Variants in HMCN1 observed in about 807,000 individuals in gnomAD.
HMCN1 encodes hemicentin 1, also known as hemicentin-1.
HMCN1 carries 321 observed loss-of-function variants against 625.9 expected under a neutral mutation model. That is an observed-to-expected ratio of 0.51 (90% CI 0.47 to 0.56). The LOEUF (loss-of-function observed/expected upper bound fraction) is 0.56. Ranked by LOEUF, HMCN1 falls within the 20% of genes least tolerant of loss-of-function variation. HMCN1 has a pLI of 0.00. For missense variants in HMCN1, 6,588 were observed against 6,887.3 expected, an observed-to-expected ratio of 0.96 and a Z score of 1.54; for synonymous variants, 2,425 against 2,417.6, an observed-to-expected ratio of 1.00 and a Z score of -0.09.
chr1:185,780,754 ATTTTATTGAGGAT>A (rs1657022663), intron 1 of HMCN1, among the ~76,000 whole-genome samples: 1 of 152,164 alleles, frequency 6.6e-6, no homozygotes. Context: ...GTTTGCCAGT[ATTTTATTGAGGAT>A]TTTTGCATCG....
At chr1:185,779,701 C>T (rs1028119289) in intron 1 of HMCN1, among the ~76,000 whole-genome samples, 10 of 152,044 alleles carry the variant, frequency 6.6e-5, no homozygotes, top group African/African-American at 1.7e-4. Context: ...GTTCCATTGG[C>T]CTATATCTCT....
At chr1:186,161,860 C>T (rs1239231006) in intron 97 of HMCN1, among the ~76,000 whole-genome samples, 2 of 152,162 alleles carry the variant, frequency 1.3e-5, no homozygotes, top group African/African-American at 4.8e-5. Context: ...AACATTTTTT[C>T]CTTCATTTCA....
At chr1:185,850,799 A>T (rs923860757) in intron 2 of HMCN1, among the ~76,000 whole-genome samples, 3 of 150,268 alleles carry the variant, frequency 2.0e-5, no homozygotes, top group African/African-American at 7.4e-5. Context: ...CCTTTTCTGC[A>T]CTTTCATAGG....
In HMCN1 at chr1:185,993,401, T is replaced by C. The variant is rs1012123349; in HGVS notation, c.3505+92T>C. On this transcript the variant is annotated intron_variant, in intron 23 of 106. Transcript: ENST00000271588. ...TTTATTTGATAGTTAATTTCCAAAT[T>C]GTATATAGAGTGATTAAAGAAAAAA... 2.5e-5 allele frequency: 37 copies of C among 1,455,026 alleles called. 1 individual carries two copies. The highest frequency in any genetic ancestry group is 3.3e-5 in the Non-Finnish European group (35 of 1,050,960). 90.1% of individuals were successfully genotyped at this position (1,455,026 alleles called of 1,614,324 possible).
chr1:186,058,320 A>G (rs1657480916), intron 46 of HMCN1, among the ~76,000 whole-genome samples: 1 of 152,148 alleles, frequency 6.6e-6, no homozygotes, highest in East Asian at 1.9e-4. Context: ...TGCGATTATC[A>G]AGACAACAAA....
At chr1:186,151,124 A>G (rs1444877757) in intron 93 of HMCN1, 76 bp from the exon 94 acceptor site, 1 of 1,409,866 alleles carries the variant, frequency 7.1e-7, no homozygotes, top group Non-Finnish European at 1.0e-6. Flanking sequence ...ATCTCTGAAT[A>G]CTGGCCCTCT....
chr1:186,033,872 T>C (rs923778407), intron 36 of HMCN1, among the ~76,000 whole-genome samples: 11 of 152,130 alleles, frequency 7.2e-5, no homozygotes, highest in Non-Finnish European at 1.6e-4. Context: ...CTCCTCATGG[T>C]TTTTATTGTC....
chr1:185,776,099 G>T (rs1427508881), intron 1 of HMCN1, among the ~76,000 whole-genome samples: 2 of 151,702 alleles, frequency 1.3e-5, no homozygotes, highest in African/African-American at 2.4e-5. Context: ...ATAAGCCATT[G>T]GTATTTCCTA....
At chr1:185,944,447 AACTT>A (rs1268180426) in intron 11 of HMCN1, among the ~76,000 whole-genome samples, 4 of 152,206 alleles carry the variant, frequency 2.6e-5, no homozygotes, top group African/African-American at 7.2e-5. Context: ...ATTGAAGTAA[AACTT>A]AATTAAGAAA....
At chr1:186,119,060 G>C (rs1661266128) in intron 77 of HMCN1, 131 bp from the exon 78 acceptor site, 3 of 715,890 alleles carry the variant, frequency 4.2e-6, no homozygotes, top group Non-Finnish European at 7.6e-6. Context: ...GGCACTTCAG[G>C]GGATACAAGT....
intron 105 of HMCN1, among the ~76,000 whole-genome samples, chr1:186,186,175 T>C (rs1445586073): frequency 6.6e-6 from 1 of 152,188 alleles, no homozygotes; most frequent in Non-Finnish European, 1.5e-5. Context: ...TAATCAGATT[T>C]ACCGTCAGAA....
At chr1:186,069,415 A>G (rs944642721) in intron 50 of HMCN1, among the ~76,000 whole-genome samples, 1 of 152,168 alleles carries the variant, frequency 6.6e-6, no homozygotes, top group Admixed American at 6.5e-5. Context: ...GTGGTATACA[A>G]AGGCATGGCA....
chr1:186,126,536 G>A (rs541383653), intron 82 of HMCN1, among the ~76,000 whole-genome samples: 4 of 152,212 alleles, frequency 2.6e-5, no homozygotes, highest in African/African-American at 9.6e-5. Flanking sequence ...TGTAAATAGG[G>A]TAGTCAGAGT....
At chr1:186,188,902 T>G (rs1445128368) in intron 106 of HMCN1, among the ~76,000 whole-genome samples, 1 of 152,144 alleles carries the variant, frequency 6.6e-6, no homozygotes, top group Non-Finnish European at 1.5e-5. Context: ...TTTTTTCCCT[T>G]CTTTATTACC....
intron 46 of HMCN1, among the ~76,000 whole-genome samples, chr1:186,058,177 G>A (rs1657467730): frequency 6.6e-6 from 1 of 151,956 alleles, no homozygotes; most frequent in Non-Finnish European, 1.5e-5. Flanking sequence ...ATAATTATCT[G>A]ATTATGCTAA....
In HMCN1 at chr1:186,078,145, G is replaced by A. The variant is rs759985926; in HGVS notation, c.8524G>A (p.Asp2842Asn). The A allele has an allele frequency of 1.2e-6, 2 of 1,613,718 alleles. No homozygotes were observed. The highest frequency in any genetic ancestry group is 4.5e-5 in the East Asian group (2 of 44,828). Reference protein sequence around the residue: ...VLQIPRAKVEDAGRYTCVAVN... With the variant: ...VLQIPRAKVENAGRYTCVAVN... Reference sequence around the variant, plus strand: ...GCAGATTCCTCGGGCTAAAGTAGAAGATGCTGGGAGATACACATGTGTGGC... The same window carrying A: ...GCAGATTCCTCGGGCTAAAGTAGAAAATGCTGGGAGATACACATGTGTGGC... Residue 2842 changes from aspartate (D) to asparagine (N), a missense_variant, in exon 55 of 107, where the codon GAT (aspartate) becomes AAT (asparagine). Around this residue, in one of 3 missense-constraint regions of HMCN1, gnomAD observed 4,628 missense variants for 4,853.1 expected, o/e 0.95. Coordinates refer to ENST00000271588, the MANE Select transcript of HMCN1 (RefSeq NM_031935.3).
At chr1:185,858,493 T>A (rs528862480) in intron 2 of HMCN1, among the ~76,000 whole-genome samples, 2 of 148,350 alleles carry the variant, frequency 1.3e-5, no homozygotes, top group East Asian at 2.0e-4. Context: ...AGTGGCATAA[T>A]CATGGTTCAC....
chr1:186,070,580 A>G (rs769311383), intron 51 of HMCN1, 32 bp from the exon 52 acceptor site: 8 of 1,582,500 alleles, frequency 5.1e-6, no homozygotes, highest in Middle Eastern at 1.7e-4. Flanking sequence ...AAAATAACCA[A>G]TGTCTAACTC....
Position 185,970,005 on chromosome 1 carries a change from G to A in HMCN1, c.2213-330G>A, listed in dbSNP as rs549297632. 3.9e-5 allele frequency among the ~76,000 whole-genome samples: 6 copies of A among 152,274 alleles called. No individual in the cohort carries two copies. In the South Asian group the frequency reaches 1.2e-3, roughly 32 times the overall value. On this transcript the variant is annotated intron_variant, in intron 14 of 106. Transcript: ENST00000271588. ...CCAAATGCATCCTGCCACAAAGATG[G>A]TAGAAACTTCCTTTCAACCTTCATT...
Sources: gnomAD v4.1 joint callset for allele counts (sites outside exome capture counted in the v4.1 genomes callset) on GRCh38, gnomAD v4.1.1 for gene constraint, gnomAD v4.1.1 regional missense constraint, MANE v1.5 for transcripts, NCBI Gene and HGNC (gene_info 2026-07-23, HGNC 2026-07-21) for gene names.